PACS2: variants seen among roughly 807,000 people sequenced by gnomAD.
PACS2 encodes the protein phosphofurin acidic cluster sorting protein 2.
PACS2 carries 36 observed loss-of-function variants against 113.0 expected under a neutral mutation model. The observed-to-expected ratio is 0.32, with a 90% confidence interval of 0.24 to 0.42. PACS2 has a LOEUF of 0.42. Ranked by LOEUF, PACS2 falls within the 10% of genes least tolerant of loss-of-function variation. The pLI is 1.00. For missense variants in PACS2, 1,015 were observed against 1,239.5 expected (o/e 0.82, Z 2.72); for synonymous variants, 589 against 536.1 (o/e 1.10, Z -1.36).
chr14:105,361,114 T>G (rs1158568954), intron 4 of PACS2, among the ~76,000 whole-genome samples: 1 of 152,160 alleles, frequency 6.6e-6, no homozygotes, highest in Non-Finnish European at 1.5e-5. Context: ...CACGAGAGAG[T>G]TGGAATCCAC....
At chr14:105,349,870 A>G (rs12884497) in intron 2 of PACS2, among the ~76,000 whole-genome samples, 54 of 111,908 alleles carry the variant, frequency 4.8e-4, no homozygotes, top group African/African-American at 1.2e-3. Context: ...GAGAACTTCC[A>G]GGAGAGCGTG....
intron 1 of PACS2, among the ~76,000 whole-genome samples, chr14:105,328,056 A>C (rs587689915): frequency 5.6e-4 from 85 of 152,396 alleles, no homozygotes; most frequent in African/African-American, 1.9e-3. Context: ...GGATTCGTCA[A>C]CCTTCAGTGG....
In PACS2 at chr14:105,323,279, G is replaced by C. The variant is rs758676099; in HGVS notation, c.119+8242G>C. On this transcript the variant is annotated intron_variant, in intron 1 of 24. Transcript: ENST00000447393. The surrounding 1 kb of genome is among the most constrained non-coding windows in gnomAD (Gnocchi z 4.1). ...CACCTCTGGAGCAACAATTGGACGT[G>C]TTGCTCTTCCTGCCGGATCCTCCAC... 6.6e-6 allele frequency among the ~76,000 whole-genome samples: 1 copy of C among 152,236 alleles called. No individual in the cohort carries two copies. The highest frequency in any genetic ancestry group is 1.5e-5 in the Non-Finnish European group (1 of 68,050).
At position 105,354,801 on chromosome 14, in the gene PACS2, C is replaced by T. The variant is rs587666948; in HGVS notation, c.298-251C>T. ...CTTGTCCACCTGCCATGGCTGTTAGCGTGGCGCGGAGCCCTCAGGGCCTGA... is the reference window on the plus strand; with the variant it reads ...CTTGTCCACCTGCCATGGCTGTTAGTGTGGCGCGGAGCCCTCAGGGCCTGA... On this transcript the variant is annotated intron_variant, in intron 3 of 24. Coordinates refer to ENST00000447393, the MANE Select transcript of PACS2 (RefSeq NM_001100913.3). The surrounding 1 kb of genome is among the most constrained non-coding windows in gnomAD (Gnocchi z 4.2). Among the ~76,000 whole-genome samples, 10 of 152,356 alleles carry T rather than the reference C, an allele frequency of 6.6e-5. No individual in the cohort carries two copies. Among genetic ancestry groups the T allele is most frequent in the South Asian group, 6.2e-4 (3 of 4,826 alleles).
In PACS2 at chr14:105,382,512, C is replaced by T. The variant is rs1555412313; in HGVS notation, c.1449C>T (p.His483=). 2 of 1,612,644 alleles carry T rather than the reference C, an allele frequency of 1.2e-6. No individual in the cohort carries two copies. Among genetic ancestry groups the T allele is most frequent in the Non-Finnish European group, 1.7e-6 (2 of 1,178,610 alleles). The change falls in exon 14 of 25, where the codon CAC becomes CAT. Residue 483 remains histidine (H), a synonymous_variant. Coordinates refer to ENST00000447393, the MANE Select transcript of PACS2 (RefSeq NM_001100913.3). The stretch of plus-strand genomic sequence containing the variant: ...AGACTGTGTATGACCAGCTCAACCA[C>T]ATCCTCATCTCCGATGACCAGCTTC... ...PRKTVYDQLN[H]ILISDDQLPE...
chr14:105,342,244 G>T (rs1291736673), intron 1 of PACS2, among the ~76,000 whole-genome samples: 1 of 151,588 alleles, frequency 6.6e-6, no homozygotes, highest in Non-Finnish European at 1.5e-5. Flanking sequence ...GTGTGTGTGT[G>T]TGTGTGTGTG....
chr14:105,377,522 C>A (rs1555410765), intron 9 of PACS2, among the ~76,000 whole-genome samples: 6 of 152,170 alleles, frequency 3.9e-5, no homozygotes, highest in African/African-American at 1.4e-4. Flanking sequence ...AAGGCAGGTG[C>A]CAGCCTCTGG....
chr14:105,368,609 TG>T (rs1266106700), intron 7 of PACS2, 70 bp downstream of exon 7: 70 of 1,194,960 alleles, frequency 5.9e-5, no homozygotes, highest in Non-Finnish European at 7.5e-5. Context: ...AGCCTGGGCG[TG>T]GGGGGGACAC....
At chr14:105,331,586 GTT>G (rs1346442786) in intron 1 of PACS2, among the ~76,000 whole-genome samples, 3 of 152,152 alleles carry the variant, frequency 2.0e-5, no homozygotes, top group Admixed American at 6.6e-5. Flanking sequence ...CCTGGCCTGA[GTT>G]TTATGTATTA....
chr14:105,392,332 C>T lies in PACS2; in HGVS notation c.2256-287C>T, dbSNP rs1232688524. On this transcript the variant is annotated intron_variant, in intron 22 of 24. Transcript: ENST00000447393. ...CAGGCTGCGCCTGAGGGAGCTGGTT[C>T]GCACGGGCCCTCACGACTCCAAGGG... The T allele has an allele frequency of 6.3e-6, 3 of 473,654 alleles. No homozygotes were observed. The East Asian group carries it at 1.2e-4, about 19-fold the overall frequency. 29.3% of individuals were successfully genotyped at this position (473,654 alleles called of 1,614,324 possible).
chr14:105,327,862 C>T (rs997433209), intron 1 of PACS2, among the ~76,000 whole-genome samples: 14 of 151,506 alleles, frequency 9.2e-5, no homozygotes, highest in South Asian at 6.3e-4. Context: ...CCAGGCCACC[C>T]GATGGACCAT....
chr14:105,384,367 G>A lies in PACS2; in HGVS notation c.1795G>A (p.Ala599Thr), dbSNP rs1055482161. The change falls in exon 17 of 25, where the codon GCC becomes ACC. Residue 599 changes from alanine (A) to threonine (T), a missense_variant. By Grantham distance (58) the Ala-to-Thr change is moderately conservative. This residue lies in a region of PACS2 where 859 missense variants were observed against 1,056.8 expected (regional missense o/e 0.81). Transcript: ENST00000447393. Reference sequence around the variant, plus strand: ...CTGGCATGCAGGCTCCCACCCCGTGGCCAGGTACCTAGGCTCCGTGGACTA... The same window carrying A: ...CTGGCATGCAGGCTCCCACCCCGTGACCAGGTACCTAGGCTCCGTGGACTA... ...LVIPLGSHPV[A>T]RYLGSVDYRY... 6.2e-7 allele frequency: 1 copy of A among 1,610,198 alleles called. No individual in the cohort carries two copies. Among genetic ancestry groups the A allele is most frequent in the Non-Finnish European group, 8.5e-7 (1 of 1,178,360 alleles).
chr14:105,393,426 G>A, intron 24 of PACS2, 91 bp downstream of exon 24: 1 of 777,642 alleles, frequency 1.3e-6, no homozygotes, highest in South Asian at 1.6e-5. Context: ...AGCTGCGGGT[G>A]TCTCGCTGTG....
At chr14:105,368,797 G>A (rs2061044626) in intron 7 of PACS2, among the ~76,000 whole-genome samples, 1 of 152,216 alleles carries the variant, frequency 6.6e-6, no homozygotes, top group African/African-American at 2.4e-5. Flanking sequence ...AGGCTGCCTC[G>A]CTGCCAGGCT....
At position 105,356,741 on chromosome 14, in the gene PACS2, C is replaced by T. The variant is rs1469810395; in HGVS notation, c.423+1564C>T. ...CAGGCGAGGTCCTGCTGATCCCTGC[C>T]GGTCCCTGTGTTTCCCATTAGCCAT... On this transcript the variant is annotated intron_variant, in intron 4 of 24. Transcript: ENST00000447393. This position sits in a 1 kb window ranked among gnomAD's most constrained non-coding sequence, Gnocchi z 4.0. Among the ~76,000 whole-genome samples, 6 of 137,826 alleles carry T rather than the reference C, an allele frequency of 4.4e-5. No individual in the cohort carries two copies. Among genetic ancestry groups the T allele is most frequent in the Non-Finnish European group, 8.0e-5 (5 of 62,406 alleles). 90.4% of individuals were successfully genotyped at this position (137,826 alleles called of 152,430 possible).
chr14:105,376,972 C>G lies in PACS2; in HGVS notation c.959+47C>G. Reference sequence around the variant, plus strand: ...GGGGAGGAACAGCCATTTCAGATGCCCCGGCCACTCTGCGACCACTCTGGC... The same window carrying G: ...GGGGAGGAACAGCCATTTCAGATGCGCCGGCCACTCTGCGACCACTCTGGC... On this transcript the variant is annotated intron_variant, in intron 9 of 24. Coordinates refer to ENST00000447393, the MANE Select transcript of PACS2 (RefSeq NM_001100913.3). This position sits in a 1 kb window ranked among gnomAD's most constrained non-coding sequence, Gnocchi z 4.7. 1 of 1,534,990 alleles carries G rather than the reference C, an allele frequency of 6.5e-7. No individual in the cohort carries two copies. The highest frequency in any genetic ancestry group is 8.8e-7 in the Non-Finnish European group (1 of 1,136,480).
At chr14:105,350,653 G>A (rs587720292) in intron 2 of PACS2, among the ~76,000 whole-genome samples, 27 of 152,296 alleles carry the variant, frequency 1.8e-4, no homozygotes, top group African/African-American at 5.5e-4. Context: ...GCCTGGCCCC[G>A]CAGCCCCACC....
rs782261889 is a variant in PACS2 at position 105,394,906 on chromosome 14, G to C, written c.*234G>C. On this transcript the variant is annotated 3_prime_UTR_variant, in exon 25 of 25. Transcript: ENST00000447393. Reference sequence around the variant, plus strand: ...CCCGGGGCTGGGAAGCCAGAAGGACGATGCTGAGCCATGGATCGCGGAAGG... The same window carrying C: ...CCCGGGGCTGGGAAGCCAGAAGGACCATGCTGAGCCATGGATCGCGGAAGG... The C allele has an allele frequency of 5.9e-6, 3 of 506,036 alleles. No homozygotes were observed. Among genetic ancestry groups the C allele is most frequent in the South Asian group, 4.3e-5 (2 of 46,068 alleles). The allele number at this position is 506,036 out of a possible 1,614,324, so 31.3% of individuals were successfully genotyped here.
At chr14:105,344,248 G>C (rs1296433720) in intron 1 of PACS2, among the ~76,000 whole-genome samples, 1 of 151,156 alleles carries the variant, frequency 6.6e-6, no homozygotes, top group Non-Finnish European at 1.5e-5. Context: ...AATTTGCCTG[G>C]AAGTTTTTTT....
Sources: allele counts gnomAD v4.1 joint callset (sites outside exome capture counted in the v4.1 genomes callset), GRCh38; gene constraint gnomAD v4.1.1; regional missense constraint gnomAD v4.1.1; non-coding constraint Gnocchi (gnomAD v3.1); transcripts MANE v1.5; gene names NCBI Gene and HGNC (gene_info 2026-07-23, HGNC 2026-07-21).